Variants in KCNH7 observed in about 807,000 individuals in gnomAD.
KCNH7 encodes the protein voltage-gated inwardly rectifying potassium channel KCNH7.
KCNH7 carries 49 observed loss-of-function variants against 120.8 expected under a neutral mutation model. The observed-to-expected ratio is 0.41, with a 90% confidence interval of 0.32 to 0.51. The LOEUF is 0.51. Among genes scored for constraint, KCNH7 ranks in the 20% least tolerant of loss-of-function variants. The pLI, the probability that KCNH7 is intolerant of heterozygous loss-of-function variation, is 0.38. For missense variants in KCNH7, 1,097 were observed against 1,446.6 expected (o/e 0.76, Z 3.92); for synonymous variants, 547 against 516.1 (o/e 1.06, Z -0.81).
intron 8 of KCNH7, among the ~76,000 whole-genome samples, chr2:162,434,919 C>T (rs1227130577): frequency 6.6e-6 from 1 of 151,940 alleles, no homozygotes; most frequent in Non-Finnish European, 1.5e-5. Flanking sequence ...ATTACAGATA[C>T]TCTTTGTATA....
chr2:162,795,818 G>A (rs1386660381), intron 2 of KCNH7: 1 of 152,050 alleles, frequency 6.6e-6, no homozygotes, highest in Non-Finnish European at 1.5e-5. Flanking sequence ...CATTCAGAGA[G>A]GAAAGCATCC....
At chr2:162,523,544 T>C (rs910005979) in intron 3 of KCNH7, among the ~76,000 whole-genome samples, 4 of 149,378 alleles carry the variant, frequency 2.7e-5, no homozygotes, top group South Asian at 4.2e-4. Context: ...CTCTCCCTCT[T>C]TCTCTCTCTC....
intron 2 of KCNH7, among the ~76,000 whole-genome samples, chr2:162,707,560 A>G (rs1373834873): frequency 1.3e-5 from 2 of 152,160 alleles, no homozygotes; most frequent in Non-Finnish European, 2.9e-5. Context: ...CATCTATTGT[A>G]TCAAAAGAAC....
chr2:162,745,461 T>G (rs1158386714), intron 2 of KCNH7, among the ~76,000 whole-genome samples: 1 of 152,162 alleles, frequency 6.6e-6, no homozygotes, highest in Non-Finnish European at 1.5e-5. Flanking sequence ...TAGGAAGTGA[T>G]GTAGGTTAAG....
chr2:162,805,870 G>A (rs1335973179), intron 2 of KCNH7, among the ~76,000 whole-genome samples: 1 of 152,028 alleles, frequency 6.6e-6, no homozygotes, highest in Non-Finnish European at 1.5e-5. Flanking sequence ...AGAAAATGTG[G>A]TATATATACA....
intron 2 of KCNH7, among the ~76,000 whole-genome samples, chr2:162,556,481 T>C (rs1692860300): frequency 6.6e-6 from 1 of 152,188 alleles, no homozygotes; most frequent in African/African-American, 2.4e-5. Flanking sequence ...TAATACCTAG[T>C]ATGTATTACT....
rs1694302459 is a variant in KCNH7 at position 162,594,237 on chromosome 2, TCC to T, written c.308-57159_308-57158del. ...ATGCTAGTTTATAACCAGTAAGTAT[TCC>T]TTCCTTTGGAACCACTGGCTTCATA... On this transcript the variant is annotated intron_variant, in intron 2 of 15. Transcript: ENST00000332142. Among the ~76,000 whole-genome samples the T allele has an allele frequency of 1.7e-4, 4 of 24,178 alleles. No individual in the cohort carries two copies. In the South Asian group the frequency reaches 6.2e-3, roughly 38 times the overall value. The allele number at this position is 24,178 out of a possible 152,430, so 15.9% of individuals were successfully genotyped here. A position where few individuals can be genotyped will look rare whatever the true frequency, so the allele number is the denominator to read the frequency against.
intron 6 of KCNH7, among the ~76,000 whole-genome samples, chr2:162,452,044 A>G (rs1486705785): frequency 6.6e-6 from 1 of 152,116 alleles, no homozygotes; most frequent in Non-Finnish European, 1.5e-5. Flanking sequence ...CGGAAATGAT[A>G]TTATAGTTAT....
intron 6 of KCNH7, among the ~76,000 whole-genome samples, chr2:162,502,574 C>A (rs75688008): frequency 6.6e-6 from 1 of 152,000 alleles, no homozygotes; most frequent in South Asian, 2.1e-4. Context: ...TTACTGACTA[C>A]GCAGTTTGAT....
intron 2 of KCNH7, among the ~76,000 whole-genome samples, chr2:162,650,871 G>T (rs533720124): frequency 6.6e-6 from 1 of 152,260 alleles, no homozygotes; most frequent in East Asian, 1.9e-4. Context: ...AAGAGCCTGT[G>T]AACTCACTGA....
At chr2:162,503,169 C>T (rs1464663477) in intron 6 of KCNH7, among the ~76,000 whole-genome samples, 1 of 152,028 alleles carries the variant, frequency 6.6e-6, no homozygotes, top group Non-Finnish European at 1.5e-5. Context: ...TTCCCTTATG[C>T]ACTTGCAGGG....
At chr2:162,599,585 C>A (rs150448028) in intron 2 of KCNH7, among the ~76,000 whole-genome samples, 53 of 151,632 alleles carry the variant, frequency 3.5e-4, no homozygotes, top group Non-Finnish European at 7.1e-4. Context: ...TGCTTCCTAA[C>A]TTTTTATATT....
chr2:162,772,344 C>A (rs1462092063), intron 2 of KCNH7, among the ~76,000 whole-genome samples: 1 of 152,036 alleles, frequency 6.6e-6, no homozygotes, highest in Non-Finnish European at 1.5e-5. Context: ...TTTTCCTGTA[C>A]CCTCTAAAAT....
chr2:162,423,661 G>A lies in KCNH7; in HGVS notation c.1955-126C>T. ...TGGGGATTTACCATTGGATCACGGG[G>A]AAAAAAAGAAGTTAAACTAAAACTG... On this transcript the variant is annotated intron_variant, in intron 8 of 15. Coordinates refer to ENST00000332142, the MANE Select transcript of KCNH7 (RefSeq NM_033272.4). 3 of 822,410 alleles carry A rather than the reference G, an allele frequency of 3.6e-6. No individual in the cohort carries two copies. The East Asian group carries it at 7.9e-5, about 22-fold the overall frequency. 50.9% of individuals were successfully genotyped at this position (822,410 alleles called of 1,614,324 possible).
chr2:162,413,624 C>G (rs1687456400), intron 9 of KCNH7, among the ~76,000 whole-genome samples: 1 of 152,020 alleles, frequency 6.6e-6, no homozygotes, highest in South Asian at 2.1e-4. Context: ...AACTAGATTT[C>G]AAACAGATTG....
chr2:162,566,742 AG>A (rs745594350), intron 2 of KCNH7, among the ~76,000 whole-genome samples: 5 of 152,054 alleles, frequency 3.3e-5, no homozygotes, highest in Non-Finnish European at 5.9e-5. Context: ...TGATTAGCAA[AG>A]GTTATGGTCA....
chr2:162,553,602 T>C (rs908255537), intron 2 of KCNH7, among the ~76,000 whole-genome samples: 1 of 151,904 alleles, frequency 6.6e-6, no homozygotes, highest in South Asian at 2.1e-4. Context: ...CGAGCCAAGA[T>C]TGCGCCACTG....
chr2:162,616,594 C>T (rs1436991277), intron 2 of KCNH7, among the ~76,000 whole-genome samples: 1 of 152,180 alleles, frequency 6.6e-6, no homozygotes, highest in Non-Finnish European at 1.5e-5. Flanking sequence ...AACTGTCCTA[C>T]ACTCTTTGTC....
At chr2:162,825,566 T>C (rs1685251263) in intron 2 of KCNH7, among the ~76,000 whole-genome samples, 1 of 152,072 alleles carries the variant, frequency 6.6e-6, no homozygotes, top group Non-Finnish European at 1.5e-5. Flanking sequence ...GCAGTAATTA[T>C]ACTTCTAGGA....
Sources: gnomAD v4.1 joint callset for allele counts (sites outside exome capture counted in the v4.1 genomes callset) on GRCh38, gnomAD v4.1.1 for gene constraint, MANE v1.5 for transcripts, NCBI Gene and HGNC (gene_info 2026-07-23, HGNC 2026-07-21) for gene names.